Variants in MECOM observed in about 807,000 individuals in gnomAD.
MECOM encodes the protein histone-lysine N-methyltransferase MECOM.
A neutral mutation model predicts 116.3 loss-of-function variants in MECOM; 13 were observed. The ratio of observed to expected loss-of-function variants is 0.11; its 90% confidence interval spans 0.07 to 0.18. The LOEUF is 0.18. MECOM is among the 10% of genes least tolerant of loss of function. The pLI, the probability that MECOM is intolerant of heterozygous loss-of-function variation, is 1.00. For missense variants in MECOM, 1,299 were observed against 1,509.0 expected (o/e 0.86, Z 2.31); for synonymous variants, 528 against 535.2 (o/e 0.99, Z 0.19).
Position 169,612,366 on chromosome 3 carries a change from C to CA in MECOM, c.37+50969dup, listed in dbSNP as rs947169604. Among the ~76,000 whole-genome samples the CA allele has an allele frequency of 3.9e-5, 6 of 152,150 alleles. No individual in the cohort carries two copies. In the South Asian group the frequency reaches 8.3e-4, roughly 21 times the overall value. ...GAATCTTGACATTGCTGAGATTTTA[C>CA]AAAAAAATTTGAAAGGAGGGTGAGC... is the stretch of plus-strand genomic sequence containing the variant. On this transcript the variant is annotated intron_variant, in intron 1 of 16. Transcript: ENST00000651503.
At chr3:169,616,487 T>C (rs538600437) in intron 1 of MECOM, among the ~76,000 whole-genome samples, 1 of 152,018 alleles carries the variant, frequency 6.6e-6, no homozygotes, top group African/African-American at 2.4e-5. Flanking sequence ...CTGGGATTAC[T>C]GGCACCTGCC....
At chr3:169,341,721 C>G (rs1185975750) in intron 2 of MECOM, among the ~76,000 whole-genome samples, 1 of 132,760 alleles carries the variant, frequency 7.5e-6, no homozygotes. Context: ...GCCTGAGTGA[C>G]AGAGTGAGAC....
intron 1 of MECOM, among the ~76,000 whole-genome samples, chr3:169,435,258 A>G (rs2108579881): frequency 6.6e-6 from 1 of 152,284 alleles, no homozygotes; most frequent in Admixed American, 6.5e-5. Flanking sequence ...GGTAGAATTC[A>G]TTAATTTTTA....
intron 2 of MECOM, among the ~76,000 whole-genome samples, chr3:169,310,350 T>C (rs1718520427): frequency 6.6e-6 from 1 of 152,214 alleles, no homozygotes; most frequent in South Asian, 2.1e-4. Context: ...TATATTCAAT[T>C]GATCTTATGA....
At chr3:169,143,575 T>C (rs1738780421) in intron 3 of MECOM, 123 bp downstream of exon 3, 1 of 863,414 alleles carries the variant, frequency 1.2e-6, no homozygotes, top group Non-Finnish European at 1.6e-6. Flanking sequence ...TTGTGCATTA[T>C]CTTTCACAAT....
chr3:169,651,229 C>T (rs1404730315), intron 1 of MECOM, among the ~76,000 whole-genome samples: 1 of 152,162 alleles, frequency 6.6e-6, no homozygotes, highest in African/African-American at 2.4e-5. Context: ...TAAAGGGATG[C>T]TGGATTTTGT....
rs554205997 is a variant in MECOM at position 169,480,753 on chromosome 3, G to T, written c.38-99229C>A. Among the ~76,000 whole-genome samples, 4 of 152,234 alleles carry T rather than the reference G, an allele frequency of 2.6e-5. No individual in the cohort carries two copies. In the South Asian group the frequency reaches 8.3e-4, roughly 32 times the overall value. The stretch of plus-strand genomic sequence containing the variant: ...GCTGTTTCTGAGCCACATCCTAGAA[G>T]CCTGTGCTTTTCAGGAGGCTCCTCT... On this transcript the variant is annotated intron_variant, in intron 1 of 16. Transcript: ENST00000651503.
rs748984561 is a variant in MECOM at position 169,322,997 on chromosome 3, TAAAAAAAAAAA to T, written c.375+58179_375+58189del. Among the ~76,000 whole-genome samples, 514 of 56,066 alleles carry T rather than the reference TAAAAAAAAAAA, an allele frequency of 9.2e-3. 8 individuals are homozygous for T. The highest frequency in any genetic ancestry group is 0.042 in the Admixed American group (213 of 5,066). The allele number at this position is 56,066 out of a possible 152,430, so 36.8% of individuals were successfully genotyped here. A position where few individuals can be genotyped will look rare whatever the true frequency, so the allele number is the denominator to read the frequency against. On this transcript the variant is annotated intron_variant, in intron 2 of 16. Coordinates refer to ENST00000651503, the MANE Select transcript of MECOM (RefSeq NM_004991.4). ...CCTGCATGACAGAGCAAGACTCCGGTAAAAAAAAAAAAAAAAAAAAAAAAAAAAAGCAGCAG... is the reference window on the plus strand; with the variant it reads ...CCTGCATGACAGAGCAAGACTCCGGTAAAAAAAAAAAAAAAAAAGCAGCAG...
intron 2 of MECOM, among the ~76,000 whole-genome samples, chr3:169,278,952 T>G (rs1759946534): frequency 6.6e-6 from 1 of 152,238 alleles, no homozygotes; most frequent in South Asian, 2.1e-4. Context: ...TGAACTATGT[T>G]GCACTGTGCT....
intron 2 of MECOM, among the ~76,000 whole-genome samples, chr3:169,331,431 C>T (rs1294014998): frequency 6.6e-6 from 1 of 151,870 alleles, no homozygotes; most frequent in Non-Finnish European, 1.5e-5. Context: ...TACACAACAG[C>T]CATAAAAGTG....
chr3:169,094,371 T>C (rs1376834307), intron 13 of MECOM, among the ~76,000 whole-genome samples: 3 of 152,174 alleles, frequency 2.0e-5, no homozygotes, highest in Non-Finnish European at 4.4e-5. Context: ...TCTGCACACA[T>C]ATGCCAGCTG....
At chr3:169,345,670 G>T (rs949544235) in intron 2 of MECOM, among the ~76,000 whole-genome samples, 4 of 152,102 alleles carry the variant, frequency 2.6e-5, no homozygotes, top group African/African-American at 9.7e-5. Flanking sequence ...TCAAATGCAA[G>T]TTAATCTCCT....
At chr3:169,419,191 T>A (rs1739274845) in intron 1 of MECOM, among the ~76,000 whole-genome samples, 2 of 152,140 alleles carry the variant, frequency 1.3e-5, no homozygotes, top group African/African-American at 4.8e-5. Flanking sequence ...TCCCAAGGGA[T>A]GTGAAAGACC....
intron 1 of MECOM, among the ~76,000 whole-genome samples, chr3:169,625,130 C>A (rs1334014994): frequency 6.6e-6 from 1 of 151,766 alleles, no homozygotes; most frequent in Non-Finnish European, 1.5e-5. Flanking sequence ...TGAACGAAAA[C>A]CCTCCCATAG....
chr3:169,271,257 C>T (rs1295376413), intron 2 of MECOM, among the ~76,000 whole-genome samples: 1 of 152,162 alleles, frequency 6.6e-6, no homozygotes, highest in African/African-American at 2.4e-5. Context: ...GGGGTTGCAG[C>T]CCCCAGCCCT....
intron 1 of MECOM, among the ~76,000 whole-genome samples, chr3:169,485,993 A>T: frequency 1.0e-5 from 1 of 97,120 alleles, no homozygotes; most frequent in Non-Finnish European, 2.0e-5. Context: ...TAGTATATAT[A>T]TGTATATATA....
intron 2 of MECOM, among the ~76,000 whole-genome samples, chr3:169,176,912 T>C (rs1208660504): frequency 1.3e-5 from 2 of 152,096 alleles, no homozygotes; most frequent in African/African-American, 4.8e-5. Context: ...AAAATCACAA[T>C]GAGATACCAT....
chr3:169,338,632 T>TGTGTGTGTGTGTG (rs199867460), intron 2 of MECOM, among the ~76,000 whole-genome samples: 1 of 149,618 alleles, frequency 6.7e-6, no homozygotes, highest in East Asian at 2.0e-4. Flanking sequence ...TGTGTGTGTG[T>TGTGTGTGTGTGTG]TGGGAAGCAT....
chr3:169,271,692 G>A (rs1029723511), intron 2 of MECOM, among the ~76,000 whole-genome samples: 1 of 151,938 alleles, frequency 6.6e-6, no homozygotes, highest in Non-Finnish European at 1.5e-5. Flanking sequence ...AACCAACATG[G>A]CACATGTATA....
Sources: allele counts gnomAD v4.1 joint callset (sites outside exome capture counted in the v4.1 genomes callset), GRCh38; gene constraint gnomAD v4.1.1; transcripts MANE v1.5; gene names NCBI Gene and HGNC (gene_info 2026-07-23, HGNC 2026-07-21).